Variants in CELA2A observed in about 807,000 individuals in gnomAD.
The protein encoded by CELA2A is chymotrypsin like elastase 2A.
A neutral mutation model predicts 35.3 loss-of-function variants in CELA2A; 31 were observed. The ratio of observed to expected loss-of-function variants is 0.88; its 90% confidence interval spans 0.66 to 1.19. The LOEUF is 1.19. Among genes scored for constraint, CELA2A ranks in the 50% most tolerant of loss-of-function variants. The pLI, the probability that CELA2A is intolerant of heterozygous loss-of-function variation, is 0.00. For synonymous variants in CELA2A, 150 were observed against 149.8 expected, an observed-to-expected ratio of 1.00 and a Z score of -0.01; for missense variants, 330 against 352.9, an observed-to-expected ratio of 0.94 and a Z score of 0.52.
chr1:15,470,663 C>G (rs1222864293), intron 7 of CELA2A, among the ~76,000 whole-genome samples: 3 of 152,142 alleles, frequency 2.0e-5, no homozygotes, highest in Admixed American at 6.6e-5. Context: ...TCAATGCAAC[C>G]TCCACCTCCC....
At position 15,463,514 on chromosome 1, in the gene CELA2A, G is replaced by C. The variant is rs1708469537; in HGVS notation, c.485G>C (p.Arg162Thr). Reference protein sequence around the residue: ...NYPCYVTGWGRLQTNGAVPDV... With the variant: ...NYPCYVTGWGTLQTNGAVPDV... Reference sequence around the variant, plus strand: ...CCCTGCTACGTCACGGGCTGGGGAAGGCTGCAGAGTAAGTGGGAGCCAGGA... The same window carrying C: ...CCCTGCTACGTCACGGGCTGGGGAACGCTGCAGAGTAAGTGGGAGCCAGGA... The change falls in exon 5 of 8, where the codon AGG (arginine) becomes ACG (threonine). Residue 162 changes from arginine to threonine, a missense_variant. Arg to Thr is a moderately conservative substitution (Grantham distance 71). Coordinates refer to ENST00000359621, the MANE Select transcript of CELA2A (RefSeq NM_033440.3). The C allele has an allele frequency of 6.2e-7, 1 of 1,613,742 alleles. No homozygotes were observed. Among genetic ancestry groups the C allele is most frequent in the Admixed American group, 1.7e-5 (1 of 60,020 alleles).
Position 15,467,555 on chromosome 1 carries a change from C to A in CELA2A, c.792+17C>A. ...ATCAATTCGGTAAGAACCGGACCAG[C>A]CCTGAGCCCCAAGGCACTACCCTGC... is the stretch of plus-strand genomic sequence containing the variant. On this transcript the variant is annotated intron_variant, in intron 7 of 7. Coordinates refer to ENST00000359621, the MANE Select transcript of CELA2A (RefSeq NM_033440.3). 1 of 1,613,052 alleles carries A rather than the reference C, an allele frequency of 6.2e-7. No homozygotes were observed. Among genetic ancestry groups the A allele is most frequent in the South Asian group, 1.1e-5 (1 of 90,938 alleles).
chr1:15,467,083 C>A (rs1023045804), intron 6 of CELA2A, among the ~76,000 whole-genome samples: 1 of 152,202 alleles, frequency 6.6e-6, no homozygotes, highest in Non-Finnish European at 1.5e-5. Context: ...CAAGTCCCAA[C>A]CTCTCAACAC....
chr1:15,457,707 C>T (rs1708381172), intron 2 of CELA2A: 1 of 156,222 alleles, frequency 6.4e-6, no homozygotes. Context: ...TGTCCCCTCC[C>T]CACTGCCCAT....
intron 2 of CELA2A, among the ~76,000 whole-genome samples, chr1:15,458,503 C>G (rs949196167): frequency 3.3e-5 from 5 of 152,152 alleles, no homozygotes; most frequent in African/African-American, 9.7e-5. Context: ...GAGTTTCTAC[C>G]TTAAGTAGGA....
At chr1:15,460,900 A>T (rs1398011968) in intron 2 of CELA2A, among the ~76,000 whole-genome samples, 3 of 152,188 alleles carry the variant, frequency 2.0e-5, no homozygotes, top group African/African-American at 7.2e-5. Context: ...ACGGCTAATA[A>T]AGACATATCT....
chr1:15,458,908 TAAAAAAAAAAAAAAAAAAAAAAAAAAAA>T (rs60002826), intron 2 of CELA2A, among the ~76,000 whole-genome samples: 7 of 40,196 alleles, frequency 1.7e-4, no homozygotes, highest in South Asian at 1.3e-3. Flanking sequence ...GTGAGATCCA[TAAAAAAAAAAAAAAAAAAAAAAAAAAAA>T]AAAAAAAAAA....
At chr1:15,463,607 T>C in intron 5 of CELA2A, 85 bp downstream of exon 5, 1 of 1,594,146 alleles carries the variant, frequency 6.3e-7, no homozygotes, top group South Asian at 1.1e-5. Flanking sequence ...CTCTCACCTG[T>C]CATCCCAGGG....
At chr1:15,461,377 T>A (rs1708431321) in intron 2 of CELA2A, among the ~76,000 whole-genome samples, 184 bp from the exon 3 acceptor site, 1 of 152,188 alleles carries the variant, frequency 6.6e-6, no homozygotes, top group Non-Finnish European at 1.5e-5. Context: ...GTTTTTCATG[T>A]AGATTGCATT....
intron 2 of CELA2A, 87 bp downstream of exon 2, chr1:15,457,261 G>A (rs765235161): frequency 3.3e-5 from 44 of 1,320,080 alleles, no homozygotes; most frequent in Non-Finnish European, 4.2e-5. Context: ...CGTCTATTGT[G>A]CTGGCAAAGT....
chr1:15,463,693 A>G (rs1172157643), intron 5 of CELA2A, among the ~76,000 whole-genome samples, 171 bp downstream of exon 5: 1 of 152,154 alleles, frequency 6.6e-6, no homozygotes, highest in Non-Finnish European at 1.5e-5. Flanking sequence ...CTCCCACTTA[A>G]TGACTGTGAC....
chr1:15,462,643 C>T (rs372914661), intron 3 of CELA2A, 90 bp from the exon 4 acceptor site: 34 of 1,516,018 alleles, frequency 2.2e-5, no homozygotes, highest in South Asian at 1.2e-4. Context: ...TAGTGGCTCA[C>T]GCAGCAGCCA....
intron 7 of CELA2A, 28 bp downstream of exon 7, chr1:15,467,566 A>C (rs1186440140): frequency 6.2e-7 from 1 of 1,612,048 alleles, no homozygotes; most frequent in Non-Finnish European, 8.5e-7. Flanking sequence ...CCTGAGCCCC[A>C]AGGCACTACC....
At chr1:15,464,271 C>A (rs1402445543) in intron 5 of CELA2A, among the ~76,000 whole-genome samples, 3 of 152,092 alleles carry the variant, frequency 2.0e-5, no homozygotes, top group Admixed American at 6.6e-5. Context: ...ACCCCTGGAG[C>A]CCTCATCAGA....
chr1:15,470,645 A>C (rs572753129), intron 7 of CELA2A, among the ~76,000 whole-genome samples: 45 of 152,250 alleles, frequency 3.0e-4, no homozygotes, highest in Non-Finnish European at 5.9e-4. Context: ...CAGTGGCTTG[A>C]TCGCAGCTCA....
chr1:15,463,258 G>A (rs1382008433), intron 4 of CELA2A, 128 bp from the exon 5 acceptor site: 7 of 1,430,796 alleles, frequency 4.9e-6, no homozygotes, highest in Non-Finnish European at 6.7e-6. Context: ...ATGCCCTGGG[G>A]CCCTGCCAGT....
intron 6 of CELA2A, among the ~76,000 whole-genome samples, 172 bp from the exon 7 acceptor site, chr1:15,467,214 A>G (rs895601227): frequency 6.6e-6 from 1 of 152,214 alleles, no homozygotes; most frequent in Non-Finnish European, 1.5e-5. Context: ...CACAGGAAGA[A>G]TAAGTGTTGG....
Position 15,462,796 on chromosome 1 carries a change from G to A in CELA2A, c.291G>A (p.Ser97=), listed in dbSNP as rs749380925. Residue 97 remains serine, a synonymous_variant, in exon 4 of 8, where the codon TCG becomes TCA. Coordinates refer to ENST00000359621, the MANE Select transcript of CELA2A (RefSeq NM_033440.3). ...RHNLYVAESG[S]LAVSVSKIVV... ...ACCTCTACGTTGCGGAGTCCGGCTC[G>A]CTGGCAGTCAGTGTCTCTAAGATTG... 1.9e-6 allele frequency: 3 copies of A among 1,614,106 alleles called. No individual in the cohort carries two copies. Among genetic ancestry groups the A allele is most frequent in the Non-Finnish European group, 2.5e-6 (3 of 1,180,034 alleles).
chr1:15,468,676 G>A (rs551945468), intron 7 of CELA2A, among the ~76,000 whole-genome samples: 15 of 152,188 alleles, frequency 9.9e-5, no homozygotes, highest in African/African-American at 3.6e-4. Flanking sequence ...CAGGCACGGT[G>A]GTACATGCCT....
Sources: allele counts gnomAD v4.1 joint callset (sites outside exome capture counted in the v4.1 genomes callset), GRCh38; gene constraint gnomAD v4.1.1; transcripts MANE v1.5; gene names NCBI Gene and HGNC (gene_info 2026-07-23, HGNC 2026-07-21).